RBFOX1: variants seen among roughly 807,000 people sequenced by gnomAD.
RBFOX1 encodes the protein RNA binding protein fox-1 homolog 1.
Under a neutral mutation model 57.7 loss-of-function variants are expected in RBFOX1, and 8 were observed. The observed-to-expected ratio is 0.14, with a 90% CI of 0.08 to 0.25. The LOEUF (loss-of-function observed/expected upper bound fraction) is 0.25, where lower values mean the gene tolerates loss of function less well. Ranked by LOEUF, RBFOX1 falls within the 10% of genes least tolerant of loss-of-function variation. RBFOX1 has a pLI of 1.00. For missense variants in RBFOX1, 611 were observed against 548.5 expected, an observed-to-expected ratio of 1.11 and a Z score of -1.14; for synonymous variants, 326 against 222.4, an observed-to-expected ratio of 1.47 and a Z score of -4.15.
intron 3 of RBFOX1, chr16:6,873,765 T>C (rs1359130797): frequency 6.6e-6 from 1 of 152,216 alleles, no homozygotes; most frequent in Non-Finnish European, 1.5e-5. Flanking sequence ...AGTGTTATCT[T>C]GCTTAATTAT....
chr16:6,893,102 G>T (rs987895435), intron 3 of RBFOX1, among the ~76,000 whole-genome samples: 3 of 152,080 alleles, frequency 2.0e-5, no homozygotes, highest in Non-Finnish European at 4.4e-5. Flanking sequence ...GACCCTCCTA[G>T]ATTCCATTCA....
intron 2 of RBFOX1, among the ~76,000 whole-genome samples, chr16:5,594,160 A>G (rs968368035): frequency 1.3e-5 from 2 of 152,150 alleles, no homozygotes; most frequent in Non-Finnish European, 2.9e-5. Flanking sequence ...TTGCTCAGGA[A>G]GCTTTGATTG....
chr16:5,860,844 T>C (rs1158782980), intron 3 of RBFOX1, among the ~76,000 whole-genome samples: 1 of 152,222 alleles, frequency 6.6e-6, no homozygotes, highest in Non-Finnish European at 1.5e-5. Context: ...AAAGAGGCCC[T>C]GATCTACTCA....
intron 3 of RBFOX1, among the ~76,000 whole-genome samples, chr16:5,791,313 C>T (rs996194816): frequency 2.6e-5 from 4 of 152,160 alleles, no homozygotes; most frequent in African/African-American, 9.7e-5. Context: ...AAGATCAATG[C>T]AATGCTATTA....
intron 1 of RBFOX1, among the ~76,000 whole-genome samples, chr16:6,021,772 T>C (rs1320182815): frequency 6.6e-6 from 1 of 152,216 alleles, no homozygotes; most frequent in Non-Finnish European, 1.5e-5. Context: ...CAAGTTGCTT[T>C]ACCTCTCTGA....
intron 4 of RBFOX1, among the ~76,000 whole-genome samples, chr16:7,484,007 C>A (rs941653936): frequency 6.6e-6 from 1 of 152,178 alleles, no homozygotes; most frequent in Non-Finnish European, 1.5e-5. Flanking sequence ...TTCTGCCCCC[C>A]CATTCCCTAA....
chr16:6,253,697 G>GTATATA lies in RBFOX1; in HGVS notation c.-126-63297_-126-63296insATATAT, dbSNP rs1474094444. On this transcript the variant is annotated intron_variant, in intron 1 of 15. Coordinates refer to ENST00000550418, the MANE Select transcript of RBFOX1 (RefSeq NM_018723.4). ...TGCATGTGTGTGTGTGTGTGTGTGT[G>GTATATA]TGTATATATATATATATGTACCTAT... Among the ~76,000 whole-genome samples, 259 of 88,600 alleles carry GTATATA rather than the reference G, an allele frequency of 2.9e-3. 3 individuals carry two copies. The highest frequency in any genetic ancestry group is 7.0e-3 in the African/African-American group (239 of 34,370). 58.1% of individuals were successfully genotyped at this position (88,600 alleles called of 152,430 possible).
At chr16:7,000,596 C>CATT (rs2092696766) in intron 3 of RBFOX1, among the ~76,000 whole-genome samples, 1 of 92,596 alleles carries the variant, frequency 1.1e-5, no homozygotes, top group East Asian at 4.0e-4. Context: ...CTTTTTCTTT[C>CATT]TTTTTTTTTT....
chr16:6,296,742 C>T (rs542828445), intron 1 of RBFOX1, among the ~76,000 whole-genome samples: 87 of 152,264 alleles, frequency 5.7e-4, no homozygotes, highest in African/African-American at 2.0e-3. Context: ...GAATACTTAG[C>T]ATATGGCATG....
intron 5 of RBFOX1, among the ~76,000 whole-genome samples, chr16:7,563,242 A>G (rs1297080712): frequency 1.3e-5 from 2 of 152,196 alleles, no homozygotes; most frequent in East Asian, 1.9e-4. Flanking sequence ...TGGTTATTAT[A>G]ATAATCATGG....
intron 1 of RBFOX1, among the ~76,000 whole-genome samples, chr16:5,396,175 C>G (rs776706492): frequency 6.6e-5 from 10 of 152,172 alleles, no homozygotes; most frequent in Admixed American, 2.6e-4. Context: ...AATACTTATG[C>G]TAAATAGGTA....
intron 13 of RBFOX1, among the ~76,000 whole-genome samples, chr16:7,669,499 G>C (rs977636985): frequency 6.6e-6 from 1 of 152,178 alleles, no homozygotes; most frequent in East Asian, 1.9e-4. Context: ...TGTTAACCTT[G>C]TTCCTTTTTA....
intron 4 of RBFOX1, among the ~76,000 whole-genome samples, chr16:5,944,230 A>T (rs191827629): frequency 6.6e-6 from 1 of 152,318 alleles, no homozygotes; most frequent in Non-Finnish European, 1.5e-5. Flanking sequence ...AACGAGATAC[A>T]TGGGCTACAC....
At chr16:5,511,917 A>G (rs1029145247) in intron 2 of RBFOX1, among the ~76,000 whole-genome samples, 1 of 152,230 alleles carries the variant, frequency 6.6e-6, no homozygotes, top group Non-Finnish European at 1.5e-5. Flanking sequence ...ATTAAAGCTT[A>G]TGAGTCTATT....
intron 5 of RBFOX1, among the ~76,000 whole-genome samples, chr16:7,527,913 G>A (rs1047089393): frequency 2.6e-5 from 4 of 152,182 alleles, no homozygotes; most frequent in Non-Finnish European, 5.9e-5. Flanking sequence ...CCCGTTTCAA[G>A]TGCCAAACTA....
chr16:5,725,552 T>C (rs1458211369), intron 3 of RBFOX1, among the ~76,000 whole-genome samples: 1 of 151,848 alleles, frequency 6.6e-6, no homozygotes, highest in East Asian at 2.0e-4. Context: ...TGTGAGCCAC[T>C]GCACCCAGCT....
At chr16:7,671,559 T>G in intron 13 of RBFOX1, 1 of 1,609,324 alleles carries the variant, frequency 6.2e-7, no homozygotes, top group Non-Finnish European at 8.5e-7. Flanking sequence ...CCTTATAGAG[T>G]AGTGTATCAA....
intron 2 of RBFOX1, among the ~76,000 whole-genome samples, chr16:6,517,222 C>T (rs1473100251): frequency 6.6e-6 from 1 of 152,106 alleles, no homozygotes; most frequent in Non-Finnish European, 1.5e-5. Flanking sequence ...GATATATGGC[C>T]TTCCCCTGCT....
At chr16:7,569,425 G>A (rs1429221275) in intron 5 of RBFOX1, among the ~76,000 whole-genome samples, 1 of 152,126 alleles carries the variant, frequency 6.6e-6, no homozygotes, top group Non-Finnish European at 1.5e-5. Flanking sequence ...CAGTAATGGT[G>A]GGTTGAGTTT....
Sources: gnomAD v4.1 joint callset for allele counts (sites outside exome capture counted in the v4.1 genomes callset) on GRCh38, gnomAD v4.1.1 for gene constraint, MANE v1.5 for transcripts, NCBI Gene and HGNC (gene_info 2026-07-23, HGNC 2026-07-21) for gene names.